Variants in CNTN3 observed in about 807,000 individuals in gnomAD.
CNTN3 encodes the protein contactin 3, also known as contactin-3.
Under a neutral mutation model 119.1 loss-of-function variants are expected in CNTN3, and 60 were observed. That is an observed-to-expected ratio of 0.50 (90% confidence interval 0.41 to 0.62). The LOEUF is 0.62. CNTN3 is among the 20% of genes least tolerant of loss of function. The pLI, the probability that CNTN3 is intolerant of heterozygous loss-of-function variation, is 0.00. For missense variants in CNTN3, 1,101 were observed against 1,242.4 expected, an observed-to-expected ratio of 0.89 and a Z score of 1.71; for synonymous variants, 450 against 438.7, an observed-to-expected ratio of 1.03 and a Z score of -0.32.
intron 13 of CNTN3, among the ~76,000 whole-genome samples, chr3:74,305,003 G>A (rs1702530427): frequency 6.6e-6 from 1 of 152,140 alleles, no homozygotes; most frequent in Admixed American, 6.5e-5. Flanking sequence ...TTTTAAGGGA[G>A]TACTACATAG....
intron 1 of CNTN3, among the ~76,000 whole-genome samples, chr3:74,544,669 G>C (rs1206815104): frequency 6.6e-6 from 1 of 152,150 alleles, no homozygotes; most frequent in Non-Finnish European, 1.5e-5. Flanking sequence ...CGCGATATCA[G>C]CTCAAGGCAA....
intron 1 of CNTN3, among the ~76,000 whole-genome samples, chr3:74,552,945 T>C (rs1327342073): frequency 6.6e-6 from 1 of 152,200 alleles, no homozygotes; most frequent in Non-Finnish European, 1.5e-5. Flanking sequence ...TCCTTTCTTT[T>C]TTTAATTGTA....
intron 5 of CNTN3, among the ~76,000 whole-genome samples, chr3:74,417,493 A>C (rs1701542382): frequency 6.6e-6 from 1 of 152,194 alleles, no homozygotes; most frequent in African/African-American, 2.4e-5. Flanking sequence ...TAGCTGTTTG[A>C]TGGATACTTG....
chr3:74,429,995 T>C (rs530929866), intron 4 of CNTN3, among the ~76,000 whole-genome samples: 2 of 152,244 alleles, frequency 1.3e-5, no homozygotes, highest in Admixed American at 1.3e-4. Flanking sequence ...GCACTAAATC[T>C]TGGAGAGGAT....
intron 4 of CNTN3, among the ~76,000 whole-genome samples, chr3:74,454,761 T>C (rs1451781281): frequency 6.6e-6 from 1 of 152,110 alleles, no homozygotes; most frequent in Non-Finnish European, 1.5e-5. Flanking sequence ...TATTTCTCCT[T>C]CACTTATGAA....
chr3:74,507,986 G>C (rs1703294890), intron 2 of CNTN3, among the ~76,000 whole-genome samples: 1 of 152,142 alleles, frequency 6.6e-6, no homozygotes, highest in Admixed American at 6.6e-5. Context: ...AGACTACTGA[G>C]AGGGATTGAG....
intron 2 of CNTN3, among the ~76,000 whole-genome samples, chr3:74,512,157 C>T (rs1035238563): frequency 5.3e-5 from 8 of 152,110 alleles, no homozygotes; most frequent in Non-Finnish European, 1.0e-4. Flanking sequence ...ATATTGTTTA[C>T]TTAGCATTGC....
intron 13 of CNTN3, among the ~76,000 whole-genome samples, chr3:74,326,309 T>G (rs549626554): frequency 5.3e-5 from 8 of 152,272 alleles, no homozygotes; most frequent in Admixed American, 2.0e-4. Context: ...AAAGGAAAAC[T>G]ATTACTTAAA....
At chr3:74,327,693 A>G (rs1252377420) in intron 13 of CNTN3, among the ~76,000 whole-genome samples, 1 of 152,118 alleles carries the variant, frequency 6.6e-6, no homozygotes, top group Non-Finnish European at 1.5e-5. Context: ...TAGCCCTAAA[A>G]TCCTTATTAT....
chr3:74,364,330 C>T (rs779797553), intron 10 of CNTN3, 137 bp downstream of exon 10: 15 of 774,180 alleles, frequency 1.9e-5, no homozygotes, highest in Non-Finnish European at 2.9e-5. Context: ...TGATTAGAAA[C>T]TGAATGATCG....
At chr3:74,298,282 A>T in intron 17 of CNTN3, 91 bp from the exon 18 acceptor site, 1 of 757,654 alleles carries the variant, frequency 1.3e-6, no homozygotes, top group Non-Finnish European at 2.1e-6. Context: ...TATTTGTAAA[A>T]GTCATCAAAT....
intron 10 of CNTN3, among the ~76,000 whole-genome samples, chr3:74,363,943 T>C (rs1468585009): frequency 6.6e-6 from 1 of 152,114 alleles, no homozygotes; most frequent in African/African-American, 2.4e-5. Flanking sequence ...TTAAACATGA[T>C]AGAACATCTT....
At chr3:74,287,731 G>A (rs1702141924) in intron 19 of CNTN3, among the ~76,000 whole-genome samples, 1 of 152,140 alleles carries the variant, frequency 6.6e-6, no homozygotes, top group Non-Finnish European at 1.5e-5. Flanking sequence ...GTAGGTAATA[G>A]GATGCTGGTG....
intron 5 of CNTN3, among the ~76,000 whole-genome samples, chr3:74,379,601 C>T (rs1704566509): frequency 6.6e-6 from 1 of 152,098 alleles, no homozygotes; most frequent in Non-Finnish European, 1.5e-5. Context: ...TGCTTGCATT[C>T]TGTATCCTTT....
intron 13 of CNTN3, among the ~76,000 whole-genome samples, chr3:74,315,478 C>G (rs918268553): frequency 1.3e-5 from 2 of 152,124 alleles, no homozygotes; most frequent in Admixed American, 6.5e-5. Flanking sequence ...GTAACAACAG[C>G]AGGTTACACA....
intron 13 of CNTN3, among the ~76,000 whole-genome samples, chr3:74,332,226 C>T (rs1412811473): frequency 6.6e-6 from 1 of 152,188 alleles, no homozygotes; most frequent in Non-Finnish European, 1.5e-5. Flanking sequence ...GCAATGAATA[C>T]ACAATCAGAG....
intron 13 of CNTN3, among the ~76,000 whole-genome samples, chr3:74,307,383 G>A (rs1196087537): frequency 2.0e-5 from 3 of 152,026 alleles, no homozygotes; most frequent in Non-Finnish European, 2.9e-5. Context: ...TAATCACACA[G>A]GTTTGTCTTA....
intron 5 of CNTN3, among the ~76,000 whole-genome samples, chr3:74,374,119 G>T (rs1704412565): frequency 6.6e-6 from 1 of 152,002 alleles, no homozygotes; most frequent in Non-Finnish European, 1.5e-5. Flanking sequence ...GGCAATTTTG[G>T]CTCGGCAACT....
At chr3:74,551,754 C>CTTTTTTTTTTTTTTTTTTTTTTTTT (rs776621925) in intron 1 of CNTN3, among the ~76,000 whole-genome samples, 1 of 60,178 alleles carries the variant, frequency 1.7e-5, no homozygotes, top group African/African-American at 8.6e-5. Flanking sequence ...TCTTCTTCTT[C>CTTTTTTTTTTTTTTTTTTTTTTTTT]TTTTTTTTTT....
Sources: gnomAD v4.1 joint callset for allele counts (sites outside exome capture counted in the v4.1 genomes callset) on GRCh38, gnomAD v4.1.1 for gene constraint, MANE v1.5 for transcripts, NCBI Gene and HGNC (gene_info 2026-07-23, HGNC 2026-07-21) for gene names.